Variants in FAM13A observed in about 807,000 individuals in gnomAD.
FAM13A encodes protein FAM13A.
Under a neutral mutation model 129.6 loss-of-function variants are expected in FAM13A, and 76 were observed. That is an observed-to-expected ratio of 0.59 (90% CI 0.49 to 0.71). The LOEUF (loss-of-function observed/expected upper bound fraction) is 0.71, where lower values mean the gene tolerates loss of function less well. FAM13A is among the 30% of genes least tolerant of loss of function. The pLI is 0.00. For missense variants in FAM13A, 1,108 were observed against 1,249.3 expected (o/e 0.89, Z 1.70); for synonymous variants, 443 against 449.9 (o/e 0.98, Z 0.20).
intron 19 of FAM13A, among the ~76,000 whole-genome samples, chr4:88,740,757 G>A (rs1198998579): frequency 6.6e-6 from 1 of 152,214 alleles, no homozygotes; most frequent in African/African-American, 2.4e-5. Context: ...CAGCAAGTGT[G>A]CTTTGGATAA....
At chr4:88,875,189 T>C (rs1742177904) in intron 6 of FAM13A, among the ~76,000 whole-genome samples, 1 of 152,110 alleles carries the variant, frequency 6.6e-6, no homozygotes, top group South Asian at 2.1e-4. Context: ...ATAAAAACCC[T>C]AGAAGAAAAC....
At chr4:88,864,361 A>G (rs1357904868) in intron 6 of FAM13A, among the ~76,000 whole-genome samples, 1 of 152,172 alleles carries the variant, frequency 6.6e-6, no homozygotes, top group African/African-American at 2.4e-5. Context: ...TTTCTTTCAG[A>G]GTTATTAAAT....
chr4:88,923,863 T>C (rs1214826923), intron 5 of FAM13A, among the ~76,000 whole-genome samples: 1 of 152,140 alleles, frequency 6.6e-6, no homozygotes, highest in Non-Finnish European at 1.5e-5. Flanking sequence ...AGTCTCAGGA[T>C]ACAAAATCAA....
At chr4:88,768,118 C>G (rs963963474) in intron 11 of FAM13A, 59 bp from the exon 12 acceptor site, 1 of 883,802 alleles carries the variant, frequency 1.1e-6, no homozygotes, top group Non-Finnish European at 1.9e-6. Context: ...GCAACGCAGA[C>G]CCTCCTTTCT....
intron 3 of FAM13A, among the ~76,000 whole-genome samples, chr4:89,015,376 T>C (rs925670034): frequency 1.3e-5 from 2 of 152,152 alleles, no homozygotes; most frequent in Non-Finnish European, 2.9e-5. Flanking sequence ...AATTTGCTGG[T>C]TTTGCGGCTT....
chr4:88,726,047 T>C lies in FAM13A; in HGVS notation c.*2486A>G, dbSNP rs553071071. 1 of 152,338 alleles carries C rather than the reference T, an allele frequency of 6.6e-6. No individual in the cohort carries two copies. The highest frequency in any genetic ancestry group is 2.4e-5 in the African/African-American group (1 of 41,588). The allele number at this position is 152,338 out of a possible 1,614,324, so 9.4% of individuals were successfully genotyped here. ...TATTTTGTTGGCATGTGCTAATTAA[T>C]AAACACATATTCCCAACACAGCAAA... is the stretch of plus-strand genomic sequence containing the variant. On this transcript the variant is annotated 3_prime_UTR_variant, in exon 24 of 24. Coordinates refer to ENST00000264344, the MANE Select transcript of FAM13A (RefSeq NM_014883.4).
At chr4:88,887,111 A>G (rs1744551261) in intron 6 of FAM13A, among the ~76,000 whole-genome samples, 1 of 152,126 alleles carries the variant, frequency 6.6e-6, no homozygotes, top group South Asian at 2.1e-4. Flanking sequence ...ATGCAAAGGC[A>G]TAAGAATGAT....
intron 2 of FAM13A, among the ~76,000 whole-genome samples, 179 bp downstream of exon 2, chr4:89,029,281 G>T (rs1768382581): frequency 1.3e-5 from 2 of 152,168 alleles, no homozygotes; most frequent in Admixed American, 6.5e-5. Flanking sequence ...GTACTGTCAA[G>T]ATCATGTTAA....
chr4:88,798,731 T>C (rs912218039), intron 8 of FAM13A, among the ~76,000 whole-genome samples: 1 of 152,230 alleles, frequency 6.6e-6, no homozygotes. Context: ...TATATCATCA[T>C]TGGATATTAA....
chr4:88,849,764 C>G (rs1370966223), intron 7 of FAM13A, among the ~76,000 whole-genome samples: 3 of 152,078 alleles, frequency 2.0e-5, no homozygotes, highest in Non-Finnish European at 4.4e-5. Context: ...TTCGTGGAAC[C>G]AGAGGTTAAC....
intron 6 of FAM13A, among the ~76,000 whole-genome samples, chr4:88,864,071 T>C (rs913097607): frequency 1.1e-4 from 16 of 152,236 alleles, no homozygotes; most frequent in Admixed American, 1.3e-4. Flanking sequence ...AAATCATTCA[T>C]TCATTCAACA....
chr4:88,780,051 A>G (rs757654582), intron 11 of FAM13A, among the ~76,000 whole-genome samples: 5 of 152,192 alleles, frequency 3.3e-5, no homozygotes, highest in Non-Finnish European at 7.3e-5. Context: ...GTTAAAAAAT[A>G]GTGTGTCATG....
intron 7 of FAM13A, among the ~76,000 whole-genome samples, chr4:88,828,873 A>T (rs928816411): frequency 1.3e-5 from 2 of 152,242 alleles, no homozygotes; most frequent in African/African-American, 4.8e-5. Context: ...TGCTAAAAGT[A>T]AGATTCTATC....
At chr4:88,950,787 G>A (rs2148874907) in intron 4 of FAM13A, among the ~76,000 whole-genome samples, 1 of 152,324 alleles carries the variant, frequency 6.6e-6, no homozygotes, top group South Asian at 2.1e-4. Context: ...ATACAAGGAT[G>A]TGGCTGATGT....
chr4:88,767,853 T>G (rs981325632), intron 12 of FAM13A, 130 bp downstream of exon 12: 1 of 656,300 alleles, frequency 1.5e-6, no homozygotes, highest in African/African-American at 1.8e-5. Context: ...TTCCTTGCTA[T>G]AAAATATTGC....
At chr4:89,009,962 A>G (rs1340912745) in intron 3 of FAM13A, among the ~76,000 whole-genome samples, 1 of 152,206 alleles carries the variant, frequency 6.6e-6, no homozygotes, top group Non-Finnish European at 1.5e-5. Context: ...CTAATCTTTT[A>G]TAGTCAGAGT....
At chr4:88,951,584 T>TC (rs1756962047) in intron 4 of FAM13A, among the ~76,000 whole-genome samples, 1 of 152,188 alleles carries the variant, frequency 6.6e-6, no homozygotes, top group Non-Finnish European at 1.5e-5. Context: ...GTTTTATTTT[T>TC]CATTATTTTC....
At chr4:88,856,784 G>T (rs1477539451) in intron 6 of FAM13A, among the ~76,000 whole-genome samples, 1 of 152,124 alleles carries the variant, frequency 6.6e-6, no homozygotes, top group Non-Finnish European at 1.5e-5. Context: ...ATGGAAGATG[G>T]CAAAGCTTCT....
At chr4:88,871,562 T>C (rs528348351) in intron 6 of FAM13A, among the ~76,000 whole-genome samples, 124 of 152,148 alleles carry the variant, frequency 8.1e-4, no homozygotes, top group African/African-American at 2.9e-3. Context: ...GAAGATCAAA[T>C]GAATGAAATG....
Sources: gnomAD v4.1 joint callset for allele counts (sites outside exome capture counted in the v4.1 genomes callset) on GRCh38, gnomAD v4.1.1 for gene constraint, MANE v1.5 for transcripts, NCBI Gene and HGNC (gene_info 2026-07-23, HGNC 2026-07-21) for gene names.